The following CACNB2 variants were observed in gnomAD, a reference collection of about 807,000 sequenced individuals.
CACNB2 encodes voltage-dependent L-type calcium channel subunit beta-2.
Under a neutral mutation model 73.3 loss-of-function variants are expected in CACNB2, and 42 were observed. The observed-to-expected ratio is 0.57, with a 90% CI of 0.45 to 0.74. CACNB2 has a LOEUF of 0.74. CACNB2 is among the 30% of genes least tolerant of loss of function. The pLI, the probability that CACNB2 is intolerant of heterozygous loss-of-function variation, is 0.00. For synonymous variants in CACNB2, 348 were observed against 310.3 expected (o/e 1.12, Z -1.28); for missense variants, 940 against 853.0 (o/e 1.10, Z -1.27).
chr10:18,433,658 T>C (rs946754028), intron 3 of CACNB2, among the ~76,000 whole-genome samples: 8 of 149,064 alleles, frequency 5.4e-5, no homozygotes, highest in African/African-American at 1.5e-4. Flanking sequence ...ATATTTAAGG[T>C]TTATAACTAT....
intron 2 of CACNB2, among the ~76,000 whole-genome samples, chr10:18,232,762 A>C (rs1165642466): frequency 6.6e-6 from 1 of 152,184 alleles, no homozygotes; most frequent in Non-Finnish European, 1.5e-5. Context: ...ATTCGTTACA[A>C]GCATAAGTCC....
rs1046365611 is a variant in CACNB2 at position 18,140,796 on chromosome 10, G to A, written c.60G>A (p.Glu20=). 6.9e-6 allele frequency: 11 copies of A among 1,602,940 alleles called. No individual in the cohort carries two copies. Among genetic ancestry groups the A allele is most frequent in the Non-Finnish European group, 9.4e-6 (11 of 1,176,378 alleles). ...PPTAAAAVAQ[E]IQMELLENVA... ...CAGCGGCGGCGGCGGTGGCGCAGGA[G>A]ATCCAGATGGAACTGCTAGAGAACG... Residue 20 remains glutamate, a synonymous_variant, in exon 1 of 14, where the codon GAG becomes GAA. Transcript: ENST00000324631.
chr10:18,290,397 C>G (rs1315387947), intron 2 of CACNB2, among the ~76,000 whole-genome samples: 2 of 152,024 alleles, frequency 1.3e-5, no homozygotes, highest in Non-Finnish European at 2.9e-5. Flanking sequence ...ATATAAATGT[C>G]TTTGTGCATA....
At chr10:18,347,344 ATTTTT>A (rs201654242) in intron 2 of CACNB2, among the ~76,000 whole-genome samples, 1 of 120,824 alleles carries the variant, frequency 8.3e-6, no homozygotes, top group Non-Finnish European at 1.7e-5. Context: ...TGCCCGTCTA[ATTTTT>A]TTTTTTTTTT....
intron 2 of CACNB2, among the ~76,000 whole-genome samples, chr10:18,330,056 G>C (rs927041005): frequency 2.6e-5 from 4 of 152,146 alleles, no homozygotes; most frequent in Non-Finnish European, 5.9e-5. Flanking sequence ...GGCCAGGCTG[G>C]TCTTGAACTC....
intron 3 of CACNB2, among the ~76,000 whole-genome samples, chr10:18,404,550 A>G (rs1469605805): frequency 6.6e-6 from 1 of 152,202 alleles, no homozygotes; most frequent in Non-Finnish European, 1.5e-5. Flanking sequence ...CATTTTCTAC[A>G]TTTACTTCGT....
intron 11 of CACNB2, among the ~76,000 whole-genome samples, chr10:18,535,734 C>G (rs2053505018): frequency 6.6e-6 from 1 of 152,046 alleles, no homozygotes; most frequent in Non-Finnish European, 1.5e-5. Flanking sequence ...GATCGCACCA[C>G]TGCACTCCAG....
At chr10:18,299,390 G>A (rs1252962495) in intron 2 of CACNB2, among the ~76,000 whole-genome samples, 1 of 152,186 alleles carries the variant, frequency 6.6e-6, no homozygotes, top group Non-Finnish European at 1.5e-5. Flanking sequence ...CTCCACTGTG[G>A]TTACTCAGAA....
Position 18,374,790 on chromosome 10 carries a change from A to G in CACNB2, c.214-27134A>G, listed in dbSNP as rs111657744. On this transcript the variant is annotated intron_variant, in intron 2 of 13. Transcript: ENST00000324631. Reference sequence around the variant, plus strand: ...GCACACCCACTGTCCTTAATGTGTTACTTAGCATCAGCTCTATGCATAGGG... The same window carrying G: ...GCACACCCACTGTCCTTAATGTGTTGCTTAGCATCAGCTCTATGCATAGGG... Among the ~76,000 whole-genome samples, 333 of 152,272 alleles carry G rather than the reference A, an allele frequency of 2.2e-3. 3 individuals are homozygous for G. Among genetic ancestry groups the G allele is most frequent in the African/African-American group, 7.7e-3 (321 of 41,556 alleles).
intron 2 of CACNB2, among the ~76,000 whole-genome samples, chr10:18,280,945 C>T (rs2131697731): frequency 6.6e-6 from 1 of 152,250 alleles, no homozygotes; most frequent in East Asian, 1.9e-4. Context: ...TTCCCAAAAG[C>T]CCTACAAGGT....
At chr10:18,476,479 T>C (rs769928060) in intron 3 of CACNB2, among the ~76,000 whole-genome samples, 1 of 152,164 alleles carries the variant, frequency 6.6e-6, no homozygotes, top group Admixed American at 6.5e-5. Context: ...TGTGTTTGCT[T>C]GGTATACACG....
rs34680296 is a variant in CACNB2, at chr10:18,400,640, GTT to G, written c.214-1268_214-1267del. The stretch of plus-strand genomic sequence containing the variant: ...TGTCACTGCATACGTTTTTGCACTA[GTT>G]TTTTTTTTTTTTTTTCTGCGATTCT... On this transcript the variant is annotated intron_variant, in intron 2 of 13. Transcript: ENST00000324631. 135,824 of 932,288 alleles carry G rather than the reference GTT, an allele frequency of 0.15. 2,104 individuals carry two copies. Among genetic ancestry groups the G allele is most frequent in the East Asian group, 0.32 (2,754 of 8,624 alleles). The allele number at this position is 932,288 out of a possible 1,614,324, so 57.8% of individuals were successfully genotyped here.
chr10:18,465,602 G>C (rs538585858), intron 3 of CACNB2, among the ~76,000 whole-genome samples: 9 of 151,988 alleles, frequency 5.9e-5, no homozygotes, highest in African/African-American at 2.2e-4. Flanking sequence ...CTCCCAGGAT[G>C]CATGCAAAAG....
intron 2 of CACNB2, among the ~76,000 whole-genome samples, chr10:18,269,923 T>C (rs1386628182): frequency 6.6e-6 from 1 of 152,202 alleles, no homozygotes; most frequent in Non-Finnish European, 1.5e-5. Context: ...TGCTACTTCC[T>C]TGAGAGCTCT....
chr10:18,148,478 T>C (rs114673308), intron 1 of CACNB2, among the ~76,000 whole-genome samples: 1 of 152,178 alleles, frequency 6.6e-6, no homozygotes, highest in Non-Finnish European at 1.5e-5. Context: ...AAAATTAATG[T>C]GAGTTTTTAA....
intron 2 of CACNB2, among the ~76,000 whole-genome samples, chr10:18,379,252 A>T (rs1362607615): frequency 6.6e-6 from 1 of 152,110 alleles, no homozygotes; most frequent in Non-Finnish European, 1.5e-5. Context: ...TCTCACTGTC[A>T]TCCAGGCTGG....
chr10:18,431,037 GC>G (rs1315313159), intron 3 of CACNB2, among the ~76,000 whole-genome samples: 3 of 152,178 alleles, frequency 2.0e-5, no homozygotes, highest in Non-Finnish European at 4.4e-5. Context: ...GAGTGCAGTG[GC>G]ATGATCATAT....
At chr10:18,202,079 G>A (rs545977902) in intron 2 of CACNB2, among the ~76,000 whole-genome samples, 1 of 152,158 alleles carries the variant, frequency 6.6e-6, no homozygotes, top group Non-Finnish European at 1.5e-5. Flanking sequence ...TTAATAGACA[G>A]TTCCCTATTT....
In CACNB2 at chr10:18,424,012, TAA is replaced by T. The variant is rs561156793; in HGVS notation, c.333+21970_333+21971del. Among the ~76,000 whole-genome samples, 92 of 152,108 alleles carry T rather than the reference TAA, an allele frequency of 6.0e-4. 3 individuals are homozygous for T. Among genetic ancestry groups the T allele is most frequent in the Admixed American group, 7.2e-4 (11 of 15,274 alleles). On this transcript the variant is annotated intron_variant, in intron 3 of 13. Coordinates refer to ENST00000324631, the MANE Select transcript of CACNB2 (RefSeq NM_201596.3). ...TTTTTTTGAAAAATTAAATAATATA[TAA>T]GAGTATTTATTATAGTGGGATAAAA...
Sources: allele counts gnomAD v4.1 joint callset (sites outside exome capture counted in the v4.1 genomes callset), GRCh38; gene constraint gnomAD v4.1.1; transcripts MANE v1.5; gene names NCBI Gene and HGNC (gene_info 2026-07-23, HGNC 2026-07-21).